Variants in OTOP2 observed in about 807,000 individuals in gnomAD.
OTOP2 encodes proton channel OTOP2.
A neutral mutation model predicts 47.4 loss-of-function variants in OTOP2; 41 were observed. The observed-to-expected ratio is 0.87, with a 90% CI of 0.67 to 1.12. The LOEUF (loss-of-function observed/expected upper bound fraction) is 1.12. OTOP2 is among the 50% of genes most tolerant of loss of function. OTOP2 has a pLI of 0.00. For synonymous variants in OTOP2, 328 were observed against 319.6 expected (o/e 1.03, Z -0.28); for missense variants, 721 against 752.2 (o/e 0.96, Z 0.49).
chr17:74,928,003 T>A, intron 5 of OTOP2: 1 of 661,184 alleles, frequency 1.5e-6, no homozygotes, highest in Non-Finnish European at 2.4e-6. Flanking sequence ...CCTTTTATCC[T>A]TGAGGCTGCA....
rs1273635053 is a variant in OTOP2 at position 74,930,238 on chromosome 17, G to A, written c.644-41G>A. On this transcript the variant is annotated intron_variant, in intron 5 of 6. Transcript: ENST00000331427. The surrounding 1 kb of genome is among the most constrained non-coding windows in gnomAD (Gnocchi z 4.0). Reference sequence around the variant, plus strand: ...GCTAGGGGTGAGACCTCTCTAGGAAGGCAGGAGGGCTGTCCAGCCCTGTGT... The same window carrying A: ...GCTAGGGGTGAGACCTCTCTAGGAAAGCAGGAGGGCTGTCCAGCCCTGTGT... 11 of 1,576,548 alleles carry A rather than the reference G, an allele frequency of 7.0e-6. No homozygotes were observed. Among genetic ancestry groups the A allele is most frequent in the Non-Finnish European group, 9.5e-6 (11 of 1,156,672 alleles).
Position 74,925,663 on chromosome 17 carries a change from C to G in OTOP2, c.421C>G (p.Leu141Val). 1.2e-6 allele frequency: 2 copies of G among 1,614,216 alleles called. No individual in the cohort carries two copies. The highest frequency in any genetic ancestry group is 1.7e-6 in the Non-Finnish European group (2 of 1,180,034). Reference sequence around the variant, plus strand: ...GTCAGCCATCAAGATCCTGCACCCCCTCATCCAGGCTGTGTTTGTCATCAT... The same window carrying G: ...GTCAGCCATCAAGATCCTGCACCCCGTCATCCAGGCTGTGTTTGTCATCAT... ...CQSAIKILHPLIQAVFVIIQT... is the reference protein window; with the variant it reads ...CQSAIKILHPVIQAVFVIIQT... The change falls in exon 3 of 7, where the codon CTC (leucine) becomes GTC (valine). Residue 141 changes from leucine (L) to valine (V), a missense_variant. Physicochemically the swap from Leu to Val is conservative, Grantham distance 32. Coordinates refer to ENST00000331427, the MANE Select transcript of OTOP2 (RefSeq NM_178160.3).
chr17:74,928,023 C>A, intron 5 of OTOP2: 1 of 571,068 alleles, frequency 1.8e-6, no homozygotes, highest in Non-Finnish European at 3.0e-6. Context: ...AGCCCAGGCC[C>A]CCCTGTCCAG....
In OTOP2 at chr17:74,924,503, C is replaced by A. The variant is rs2038984513; in HGVS notation, c.-33-97C>A. The A allele has an allele frequency of 1.2e-5, 14 of 1,130,880 alleles. No individual in the cohort carries two copies. Among genetic ancestry groups the A allele is most frequent in the Non-Finnish European group, 1.6e-5 (13 of 829,368 alleles). The allele number at this position is 1,130,880 out of a possible 1,614,324, so 70.1% of individuals were successfully genotyped here. A position where few individuals can be genotyped will look rare whatever the true frequency, so the allele number is the denominator to read the frequency against. On this transcript the variant is annotated intron_variant, in intron 1 of 6. Transcript: ENST00000331427. This position sits in a 1 kb window ranked among gnomAD's most constrained non-coding sequence, Gnocchi z 7.7. Reference sequence around the variant, plus strand: ...TCCAGCACCCGAAGCCCCAACCCTGCGGGTCAGGAACTCCCTAGTCCCCAA... The same window carrying A: ...TCCAGCACCCGAAGCCCCAACCCTGAGGGTCAGGAACTCCCTAGTCCCCAA...
chr17:74,925,937 C>T (rs2039003806), intron 3 of OTOP2, among the ~76,000 whole-genome samples: 1 of 152,200 alleles, frequency 6.6e-6, no homozygotes, highest in South Asian at 2.1e-4. Flanking sequence ...CTAAGCAGTG[C>T]CAGTAGTTAA....
At chr17:74,926,811 G>C (rs553470689) in intron 3 of OTOP2, among the ~76,000 whole-genome samples, 1 of 150,710 alleles carries the variant, frequency 6.6e-6, no homozygotes, top group South Asian at 2.1e-4. Flanking sequence ...CCAGGCTGGA[G>C]TGCAGTGGCA....
intron 2 of OTOP2, 109 bp from the exon 3 acceptor site, chr17:74,925,447 T>A: frequency 5.2e-6 from 7 of 1,342,210 alleles, no homozygotes; most frequent in East Asian, 2.6e-5. Context: ...CACTCACCCA[T>A]CCACCCACCC....
Position 74,930,922 on chromosome 17 carries a change from G to A in OTOP2, c.1287G>A (p.Pro429=), listed in dbSNP as rs61731429. ...MFIIESLHRG[P]PGAEPHSTHP... is the part of the protein sequence containing the mutation. ...TCATCGAGAGCCTTCACCGAGGACC[G>A]CCCGGGGCTGAGCCTCACAGTACCC... Residue 429 remains proline, a synonymous_variant, in exon 6 of 7, where the codon CCG becomes CCA. Transcript: ENST00000331427. This position sits in a 1 kb window ranked among gnomAD's most constrained non-coding sequence, Gnocchi z 4.0. 10,998 of 1,613,826 alleles carry A rather than the reference G, an allele frequency of 6.8e-3. 584 individuals carry two copies. The African/African-American group carries it at 0.13, about 19-fold the overall frequency.
rs563798853 is a variant in OTOP2 at position 74,931,769 on chromosome 17, A to T, written c.1518+616A>T. On this transcript the variant is annotated intron_variant, in intron 6 of 6. Transcript: ENST00000331427. ...GGAGTTCGAGACCAGCCTGGCCAAC[A>T]GGGTGAAACCCTGTCTCCACTAAAA... Among the ~76,000 whole-genome samples, 5 of 152,266 alleles carry T rather than the reference A, an allele frequency of 3.3e-5. No homozygotes were observed. In the South Asian group the frequency reaches 1.0e-3, roughly 32 times the overall value.
chr17:74,927,927 C>A, intron 5 of OTOP2, 129 bp downstream of exon 5: 2 of 1,264,732 alleles, frequency 1.6e-6, no homozygotes, highest in South Asian at 1.5e-5. Context: ...GGGTCCTCCT[C>A]CTGTTGCAGG....
rs766306559 is a variant in OTOP2 at position 74,930,438 on chromosome 17, T to A, written c.803T>A (p.Phe268Tyr). Residue 268 changes from phenylalanine to tyrosine, a missense_variant, in exon 6 of 7, where the codon TTC (phenylalanine) becomes TAC (tyrosine). Physicochemically the swap from Phe to Tyr is conservative, Grantham distance 22. Transcript: ENST00000331427. The surrounding 1 kb of genome is among the most constrained non-coding windows in gnomAD (Gnocchi z 4.0). ...GTCATGTGGAAGAATGTGGGTAGATTCCTGGCCTCCACCCCTGGCCACAGC... is the reference window on the plus strand; with the variant it reads ...GTCATGTGGAAGAATGTGGGTAGATACCTGGCCTCCACCCCTGGCCACAGC... Reference protein sequence around the residue: ...LYVMWKNVGRFLASTPGHSHT... With the variant: ...LYVMWKNVGRYLASTPGHSHT... 1 of 1,614,160 alleles carries A rather than the reference T, an allele frequency of 6.2e-7. No homozygotes were observed. Among genetic ancestry groups the A allele is most frequent in the Non-Finnish European group, 8.5e-7 (1 of 1,180,026 alleles).
intron 3 of OTOP2, 93 bp downstream of exon 3, chr17:74,925,785 C>T (rs574047162): frequency 2.6e-5 from 40 of 1,543,170 alleles, no homozygotes; most frequent in South Asian, 9.6e-5. Context: ...GAGCTCCATC[C>T]GCCTCGTATC....
chr17:74,924,499 C>A lies in OTOP2; in HGVS notation c.-33-101C>A. 1 of 1,111,546 alleles carries A rather than the reference C, an allele frequency of 9.0e-7. No individual in the cohort carries two copies. Among genetic ancestry groups the A allele is most frequent in the South Asian group, 1.7e-5 (1 of 58,052 alleles). The allele number at this position is 1,111,546 out of a possible 1,614,324, so 68.9% of individuals were successfully genotyped here. On this transcript the variant is annotated intron_variant, in intron 1 of 6. Transcript: ENST00000331427. The surrounding 1 kb of genome is among the most constrained non-coding windows in gnomAD (Gnocchi z 7.7). The stretch of plus-strand genomic sequence containing the variant: ...TTCCTCCAGCACCCGAAGCCCCAAC[C>A]CTGCGGGTCAGGAACTCCCTAGTCC...
intron 6 of OTOP2, 43 bp downstream of exon 6, chr17:74,931,196 C>A (rs1252469362): frequency 6.5e-7 from 1 of 1,541,912 alleles, no homozygotes; most frequent in Admixed American, 2.0e-5. Flanking sequence ...GGAGAAGAGA[C>A]TGAGGAAGGA....
intron 4 of OTOP2, 21 bp downstream of exon 4, chr17:74,927,302 C>T (rs1471248045): frequency 1.9e-6 from 3 of 1,605,482 alleles, no homozygotes; most frequent in East Asian, 2.2e-5. Flanking sequence ...CAGCTCGATG[C>T]CTGTACCCAG....
At chr17:74,925,432 GCACT>G (rs1353175160) in intron 2 of OTOP2, 120 bp from the exon 3 acceptor site, 17 of 1,223,976 alleles carry the variant, frequency 1.4e-5, no homozygotes, top group Non-Finnish European at 2.0e-5. Flanking sequence ...ATCCAACAGT[GCACT>G]CACTCACCCA....
chr17:74,927,422 G>T (rs2039018072), intron 4 of OTOP2, 141 bp downstream of exon 4: 2 of 1,138,302 alleles, frequency 1.8e-6, no homozygotes, highest in Admixed American at 3.8e-5. Flanking sequence ...GCTTTGTCAG[G>T]CTGACTTCCA....
Position 74,925,587 on chromosome 17 carries a change from C to T in OTOP2, c.345C>T (p.Leu115=). The change falls in exon 3 of 7, where the codon CTC becomes CTT. Residue 115 remains leucine (L), a synonymous_variant. Transcript: ENST00000331427. The part of the protein sequence containing the change: ...GGLVLFGICT[L]IMDVFKTGYY... ...TGGTGCTGTTTGGAATCTGCACCCTCATCATGGATGTCTTCAAGACCGGCT... is the reference window on the plus strand; with the variant it reads ...TGGTGCTGTTTGGAATCTGCACCCTTATCATGGATGTCTTCAAGACCGGCT... 1.9e-6 allele frequency: 3 copies of T among 1,614,162 alleles called. No homozygotes were observed. The highest frequency in any genetic ancestry group is 2.2e-5 in the South Asian group (2 of 91,078).
Position 74,931,166 on chromosome 17 carries a change from G to T in OTOP2, c.1518+13G>T, listed in dbSNP as rs746419876. The T allele has an allele frequency of 1.9e-6, 3 of 1,565,836 alleles. No homozygotes were observed. Among genetic ancestry groups the T allele is most frequent in the Non-Finnish European group, 2.6e-6 (3 of 1,153,398 alleles). ...CTGCAATGTCATTGTGAGTAGCTGG[G>T]GGGAGAAAGGGTGGGCTTGGGAGAA... On this transcript the variant is annotated intron_variant, in intron 6 of 6. Coordinates refer to ENST00000331427, the MANE Select transcript of OTOP2 (RefSeq NM_178160.3).
Sources: gnomAD v4.1 joint callset for allele counts (sites outside exome capture counted in the v4.1 genomes callset) on GRCh38, gnomAD v4.1.1 for gene constraint, Gnocchi (gnomAD v3.1) non-coding constraint, MANE v1.5 for transcripts, NCBI Gene and HGNC (gene_info 2026-07-23, HGNC 2026-07-21) for gene names.